Variants in GABRB1 observed in about 807,000 individuals in gnomAD.
GABRB1 encodes gamma-aminobutyric acid receptor subunit beta-1.
In GABRB1, 17 loss-of-function variants were observed where a neutral mutation model predicts 51.6. That is an observed-to-expected ratio of 0.33 (90% CI 0.23 to 0.49). The LOEUF (loss-of-function observed/expected upper bound fraction) is 0.49, where lower values mean the gene tolerates loss of function less well. Ranked by LOEUF, GABRB1 falls within the 20% of genes least tolerant of loss-of-function variation. GABRB1 has a pLI of 0.99. For missense variants in GABRB1, 410 were observed against 600.6 expected, an observed-to-expected ratio of 0.68 and a Z score of 3.32; for synonymous variants, 247 against 218.9, an observed-to-expected ratio of 1.13 and a Z score of -1.14.
chr4:47,301,290 C>A (rs1024407572), intron 4 of GABRB1, among the ~76,000 whole-genome samples: 1 of 151,998 alleles, frequency 6.6e-6, no homozygotes, highest in Non-Finnish European at 1.5e-5. Flanking sequence ...GGTTCATGGG[C>A]AATCAGTTTA....
At chr4:47,073,293 T>G (rs1281106755) in intron 3 of GABRB1, among the ~76,000 whole-genome samples, 1 of 152,198 alleles carries the variant, frequency 6.6e-6, no homozygotes, top group African/African-American at 2.4e-5. Context: ...TTGGATATAT[T>G]CTTGTAACAG....
At chr4:47,343,688 A>C (rs972979560) in intron 5 of GABRB1, among the ~76,000 whole-genome samples, 1 of 152,188 alleles carries the variant, frequency 6.6e-6, no homozygotes, top group Non-Finnish European at 1.5e-5. Flanking sequence ...GCAGCCTGGC[A>C]TGTATATACC....
At chr4:47,347,635 G>GA (rs1349712610) in intron 5 of GABRB1, among the ~76,000 whole-genome samples, 13 of 148,410 alleles carry the variant, frequency 8.8e-5, no homozygotes, top group Admixed American at 2.0e-4. Context: ...TATGTCAAGT[G>GA]AAAAAAAAAT....
At chr4:47,243,059 T>TCAA (rs1721595331) in intron 4 of GABRB1, among the ~76,000 whole-genome samples, 2 of 152,228 alleles carry the variant, frequency 1.3e-5, no homozygotes, top group Non-Finnish European at 2.9e-5. Flanking sequence ...AATTAATTTT[T>TCAA]GTATCAGGTG....
intron 3 of GABRB1, among the ~76,000 whole-genome samples, chr4:47,089,724 T>G (rs1319279211): frequency 6.6e-6 from 1 of 152,190 alleles, no homozygotes. Flanking sequence ...GATTTATGAT[T>G]AGTTTTGTCT....
intron 4 of GABRB1, among the ~76,000 whole-genome samples, chr4:47,302,331 G>A (rs749409022): frequency 6.6e-6 from 1 of 151,870 alleles, no homozygotes; most frequent in Non-Finnish European, 1.5e-5. Flanking sequence ...TAAAATTTTA[G>A]GAAATGACTC....
chr4:47,190,013 C>T (rs537636046), intron 4 of GABRB1, among the ~76,000 whole-genome samples: 5 of 152,138 alleles, frequency 3.3e-5, no homozygotes, highest in South Asian at 4.2e-4. Context: ...GATTTGGAAA[C>T]TGCAGAGAAA....
In GABRB1 at chr4:47,078,215, C is replaced by T. The variant is rs183747500; in HGVS notation, c.240+45731C>T. 9.2e-4 allele frequency among the ~76,000 whole-genome samples: 140 copies of T among 151,474 alleles called. No individual in the cohort carries two copies. The South Asian group carries it at 0.015, about 16-fold the overall frequency. ...TGTTGGTCAGGCTGGTCTCGAACTCCCAACCTCAGATGATCTGCCTCAGCC... is the reference window on the plus strand; with the variant it reads ...TGTTGGTCAGGCTGGTCTCGAACTCTCAACCTCAGATGATCTGCCTCAGCC... On this transcript the variant is annotated intron_variant, in intron 3 of 8. Coordinates refer to ENST00000295454, the MANE Select transcript of GABRB1 (RefSeq NM_000812.4).
At chr4:47,235,603 T>A (rs1721304699) in intron 4 of GABRB1, among the ~76,000 whole-genome samples, 1 of 151,336 alleles carries the variant, frequency 6.6e-6, no homozygotes, top group Non-Finnish European at 1.5e-5. Flanking sequence ...CTAGAAAAAC[T>A]CTTTGGGAAG....
Position 47,301,656 on chromosome 4 carries a change from T to G in GABRB1, c.462-18471T>G, listed in dbSNP as rs1233386343. Among the ~76,000 whole-genome samples, 7 of 151,156 alleles carry G rather than the reference T, an allele frequency of 4.6e-5. No individual in the cohort carries two copies. In the East Asian group the frequency reaches 1.4e-3, roughly 30 times the overall value. Reference sequence around the variant, plus strand: ...CTCAAAAAAAAAAAAACATTTCAATTAACCCATTAATTAATGAGAGATTTA... The same window carrying G: ...CTCAAAAAAAAAAAAACATTTCAATGAACCCATTAATTAATGAGAGATTTA... On this transcript the variant is annotated intron_variant, in intron 4 of 8. Transcript: ENST00000295454.
intron 4 of GABRB1, among the ~76,000 whole-genome samples, chr4:47,315,867 A>T (rs1304530034): frequency 6.6e-6 from 1 of 151,768 alleles, no homozygotes; most frequent in Non-Finnish European, 1.5e-5. Context: ...AAGGAAAAAC[A>T]GTCACTGAGG....
chr4:47,225,221 T>C (rs1179613737), intron 4 of GABRB1, among the ~76,000 whole-genome samples: 1 of 152,144 alleles, frequency 6.6e-6, no homozygotes, highest in Non-Finnish European at 1.5e-5. Flanking sequence ...AGTGTTGTCC[T>C]GGAGCAGAGG....
At chr4:47,090,072 G>A (rs1040003425) in intron 3 of GABRB1, among the ~76,000 whole-genome samples, 1 of 152,138 alleles carries the variant, frequency 6.6e-6, no homozygotes, top group Non-Finnish European at 1.5e-5. Flanking sequence ...GATGAAACTT[G>A]CTAATCTTAT....
chr4:47,061,957 A>C (rs1577871733), intron 3 of GABRB1, among the ~76,000 whole-genome samples: 1 of 152,190 alleles, frequency 6.6e-6, no homozygotes, highest in Admixed American at 6.5e-5. Flanking sequence ...TGCATTCTAT[A>C]ATAATGACTG....
At chr4:47,323,497 G>A (rs973418854) in intron 5 of GABRB1, among the ~76,000 whole-genome samples, 1 of 152,032 alleles carries the variant, frequency 6.6e-6, no homozygotes, top group African/African-American at 2.4e-5. Context: ...ACAAAGAAAC[G>A]TGTTATTTTC....
At chr4:47,202,013 A>G (rs1577997029) in intron 4 of GABRB1, among the ~76,000 whole-genome samples, 1 of 152,272 alleles carries the variant, frequency 6.6e-6, no homozygotes, top group South Asian at 2.1e-4. Flanking sequence ...TAGTCTCTCC[A>G]TCCTCATCAC....
At chr4:47,144,913 T>C (rs1577948667) in intron 3 of GABRB1, among the ~76,000 whole-genome samples, 2 of 151,884 alleles carry the variant, frequency 1.3e-5, no homozygotes, top group Non-Finnish European at 1.5e-5. Flanking sequence ...CCAAGCCGAA[T>C]GTATGATGCT....
At chr4:47,393,851 T>C (rs930040764) in intron 5 of GABRB1, among the ~76,000 whole-genome samples, 2 of 152,216 alleles carry the variant, frequency 1.3e-5, no homozygotes, top group African/African-American at 4.8e-5. Flanking sequence ...ACCCACTGCA[T>C]ATCCTTCATG....
At chr4:46,996,780 A>T (rs1030089814) in intron 1 of GABRB1, among the ~76,000 whole-genome samples, 1 of 152,270 alleles carries the variant, frequency 6.6e-6, no homozygotes, top group African/African-American at 2.4e-5. Flanking sequence ...TCAATTTATC[A>T]TATGTCCAAA....
Sources: allele counts gnomAD v4.1 joint callset (sites outside exome capture counted in the v4.1 genomes callset), GRCh38; gene constraint gnomAD v4.1.1; transcripts MANE v1.5; gene names NCBI Gene and HGNC (gene_info 2026-07-23, HGNC 2026-07-21).